The following ROBO2 variants were observed in gnomAD, a reference collection of about 807,000 sequenced individuals.
ROBO2 encodes roundabout homolog 2.
ROBO2 carries 53 observed loss-of-function variants against 160.8 expected under a neutral mutation model. The ratio of observed to expected loss-of-function variants is 0.33; its 90% CI spans 0.26 to 0.41. ROBO2 has a LOEUF of 0.41. Ranked by LOEUF, ROBO2 falls within the 10% of genes least tolerant of loss-of-function variation. The probability of loss-of-function intolerance (pLI) is 1.00; values close to 1 mark genes in which losing one functional copy is unlikely to be tolerated. For synonymous variants in ROBO2, 664 were observed against 611.7 expected, an observed-to-expected ratio of 1.09 and a Z score of -1.26; for missense variants, 1,577 against 1,722.4, an observed-to-expected ratio of 0.92 and a Z score of 1.49.
At chr3:75,950,207 TAAAAC>T (rs570955377) in intron 2 of ROBO2, among the ~76,000 whole-genome samples, 18 of 152,178 alleles carry the variant, frequency 1.2e-4, no homozygotes, top group African/African-American at 4.1e-4. Flanking sequence ...GAAGGAAAAA[TAAAAC>T]AAGAAACAAA....
At chr3:76,087,275 T>TA (rs1418594009) in intron 2 of ROBO2, among the ~76,000 whole-genome samples, 22 of 152,048 alleles carry the variant, frequency 1.4e-4, no homozygotes, top group Non-Finnish European at 2.2e-4. Context: ...GCCAGATTTT[T>TA]AAAATACCTT....
chr3:76,192,712 A>G (rs1196743113), intron 2 of ROBO2, among the ~76,000 whole-genome samples: 2 of 152,066 alleles, frequency 1.3e-5, no homozygotes, highest in African/African-American at 4.8e-5. Flanking sequence ...GAATTGTGAT[A>G]ACTTCAATTT....
At chr3:76,436,159 A>AAACACACACACAC (rs1553752319) in intron 2 of ROBO2, among the ~76,000 whole-genome samples, 50 of 140,596 alleles carry the variant, frequency 3.6e-4, no homozygotes, top group Middle Eastern at 3.6e-3. Flanking sequence ...TTAAAAGGAA[A>AAACACACACACAC]ACACACACAC....
chr3:77,620,790 C>A (rs77499082), intron 22 of ROBO2, among the ~76,000 whole-genome samples: 15,608 of 152,180 alleles, frequency 0.1, 1,085 homozygotes, highest in Admixed American at 0.16. Context: ...TTCCCCAAAT[C>A]ATGCAAATGA....
chr3:77,623,914 G>A lies in ROBO2; in HGVS notation c.3760+1482G>A, dbSNP rs146578409. 3.5e-3 allele frequency among the ~76,000 whole-genome samples: 535 copies of A among 152,190 alleles called. 4 individuals are homozygous for A. The highest frequency in any genetic ancestry group is 0.02 in the Middle Eastern group (6 of 294). On this transcript the variant is annotated intron_variant, in intron 23 of 25. Transcript: ENST00000461745. ...TTATAATGTCAAAGATGATAAATAC[G>A]TCTATAAATCAAGAGAATGCCATTT...
intron 2 of ROBO2, among the ~76,000 whole-genome samples, chr3:76,127,647 C>T (rs2071043214): frequency 6.6e-6 from 1 of 151,496 alleles, no homozygotes; most frequent in African/African-American, 2.4e-5. Flanking sequence ...TTGCAATCAG[C>T]AACAGAAAAC....
chr3:76,494,818 C>A (rs554119757), intron 2 of ROBO2, among the ~76,000 whole-genome samples: 2 of 152,226 alleles, frequency 1.3e-5, no homozygotes, highest in African/African-American at 4.8e-5. Flanking sequence ...CGTATGATTT[C>A]CTTTATAAGA....
intron 2 of ROBO2, among the ~76,000 whole-genome samples, chr3:76,494,639 G>T (rs903225610): frequency 1.3e-5 from 2 of 152,160 alleles, no homozygotes; most frequent in East Asian, 3.9e-4. Context: ...GGGAGCGTTT[G>T]AGTGCCTTTG....
At chr3:77,622,188 T>C (rs369127468) in intron 22 of ROBO2, 39 bp from the exon 24 acceptor site, 350 of 1,568,592 alleles carry the variant, frequency 2.2e-4, no homozygotes, top group Non-Finnish European at 3.0e-4. Flanking sequence ...TGCATGTTAA[T>C]AAGTTGCTTT....
At chr3:77,262,678 G>GA (rs974967002) in intron 2 of ROBO2, among the ~76,000 whole-genome samples, 8 of 151,876 alleles carry the variant, frequency 5.3e-5, no homozygotes, top group Non-Finnish European at 1.0e-4. Flanking sequence ...AAGCTTCCCA[G>GA]AAAAAAATAA....
intron 2 of ROBO2, among the ~76,000 whole-genome samples, chr3:77,291,707 G>C (rs2153391079): frequency 6.6e-6 from 1 of 151,782 alleles, no homozygotes; most frequent in African/African-American, 2.4e-5. Flanking sequence ...GATCACTAAA[G>C]ACATAAAGTA....
At chr3:76,584,230 A>G (rs996593463) in intron 2 of ROBO2, among the ~76,000 whole-genome samples, 17 of 152,136 alleles carry the variant, frequency 1.1e-4, no homozygotes, top group African/African-American at 3.9e-4. Context: ...AGAACTGCAT[A>G]TAAGATGCCT....
intron 2 of ROBO2, among the ~76,000 whole-genome samples, chr3:76,934,699 C>T (rs567343576): frequency 4.6e-5 from 7 of 152,052 alleles, no homozygotes; most frequent in Middle Eastern, 3.4e-3. Context: ...CGAGATATAC[C>T]GCCACTGCAC....
chr3:77,520,396 C>T (rs894184728), intron 5 of ROBO2, among the ~76,000 whole-genome samples: 2 of 151,162 alleles, frequency 1.3e-5, no homozygotes, highest in Non-Finnish European at 3.0e-5. Context: ...TATAAAATAA[C>T]AATTTCTAAT....
At chr3:77,617,865 A>G (rs916065423) in intron 22 of ROBO2, 92 bp downstream of exon 23, 2 of 1,333,266 alleles carry the variant, frequency 1.5e-6, no homozygotes, top group Non-Finnish European at 2.1e-6. Context: ...ATAGAACTAC[A>G]CAGCTAGGGT....
chr3:77,202,241 A>G (rs992975945), intron 2 of ROBO2, among the ~76,000 whole-genome samples: 3 of 152,196 alleles, frequency 2.0e-5, no homozygotes, highest in Non-Finnish European at 2.9e-5. Context: ...TTTGTTATAC[A>G]AAATGTTGAT....
chr3:77,275,530 A>G (rs1449191377), intron 2 of ROBO2, among the ~76,000 whole-genome samples: 2 of 152,098 alleles, frequency 1.3e-5, no homozygotes, highest in Non-Finnish European at 2.9e-5. Context: ...TATCCTTTTA[A>G]TATGTGCAGC....
intron 2 of ROBO2, among the ~76,000 whole-genome samples, chr3:77,221,717 C>G (rs1285696307): frequency 1.3e-5 from 2 of 152,008 alleles, no homozygotes; most frequent in Non-Finnish European, 2.9e-5. Flanking sequence ...TGGAAAAGAT[C>G]TATAAAATAA....
chr3:76,180,778 C>T (rs1701466250), intron 2 of ROBO2, among the ~76,000 whole-genome samples: 1 of 152,132 alleles, frequency 6.6e-6, no homozygotes, highest in Admixed American at 6.6e-5. Flanking sequence ...TTACACAACT[C>T]AACTGCTTCA....
Sources: allele counts gnomAD v4.1 joint callset (sites outside exome capture counted in the v4.1 genomes callset), GRCh38; gene constraint gnomAD v4.1.1; transcripts MANE v1.5; gene names NCBI Gene and HGNC (gene_info 2026-07-23, HGNC 2026-07-21).